Variants in IMMP2L observed in about 807,000 individuals in gnomAD.
The protein encoded by IMMP2L is mitochondrial inner membrane protease subunit 2.
Under a neutral mutation model 19.3 loss-of-function variants are expected in IMMP2L, and 18 were observed. The ratio of observed to expected loss-of-function variants is 0.93; its 90% confidence interval spans 0.64 to 1.38. The LOEUF is 1.38. Among genes scored for constraint, IMMP2L ranks in the 40% most tolerant of loss-of-function variants. The pLI, the probability that IMMP2L is intolerant of heterozygous loss-of-function variation, is 0.00. For missense variants in IMMP2L, 233 were observed against 218.2 expected, an observed-to-expected ratio of 1.07 and a Z score of -0.43; for synonymous variants, 76 against 73.0, an observed-to-expected ratio of 1.04 and a Z score of -0.21.
chr7:111,130,576 A>G (rs1199516666), intron 3 of IMMP2L, among the ~76,000 whole-genome samples: 2 of 152,140 alleles, frequency 1.3e-5, no homozygotes, highest in African/African-American at 4.8e-5. Context: ...AGACTCTGGA[A>G]CAAATAATGG....
chr7:110,680,420 T>C (rs1416335577), intron 5 of IMMP2L, among the ~76,000 whole-genome samples: 1 of 152,146 alleles, frequency 6.6e-6, no homozygotes, highest in African/African-American at 2.4e-5. Flanking sequence ...GAGCTATAAC[T>C]GCCGTTCTTA....
intron 3 of IMMP2L, among the ~76,000 whole-genome samples, chr7:111,253,810 G>GC (rs1055039746): frequency 3.9e-4 from 60 of 152,204 alleles, no homozygotes; most frequent in African/African-American, 1.4e-3. Flanking sequence ...AAAAAGCCAG[G>GC]CAAGTAATGA....
At chr7:110,715,505 G>A (rs1795178082) in intron 5 of IMMP2L, among the ~76,000 whole-genome samples, 1 of 152,070 alleles carries the variant, frequency 6.6e-6, no homozygotes. Context: ...TTTGATTTCT[G>A]CCTTAATTTC....
At position 111,237,171 on chromosome 7, in the gene IMMP2L, T is replaced by C. The variant is rs574226378; in HGVS notation, c.239+250067A>G. Among the ~76,000 whole-genome samples, 8 of 152,254 alleles carry C rather than the reference T, an allele frequency of 5.3e-5. No individual in the cohort carries two copies. The South Asian group carries it at 1.2e-3, about 24-fold the overall frequency. On this transcript the variant is annotated intron_variant, in intron 3 of 5. Transcript: ENST00000405709. ...ACACCCAGATATAATGTCTCACACA[T>C]AGAAGGCTCAAAATAAATACTAAAT...
At chr7:110,864,728 C>A (rs78679883) in intron 5 of IMMP2L, among the ~76,000 whole-genome samples, 2 of 152,040 alleles carry the variant, frequency 1.3e-5, no homozygotes, top group African/African-American at 4.8e-5. Context: ...ATGCTAGACA[C>A]GCTGCATGAA....
At chr7:111,117,913 G>T (rs1445531512) in intron 3 of IMMP2L, among the ~76,000 whole-genome samples, 1 of 152,050 alleles carries the variant, frequency 6.6e-6, no homozygotes, top group African/African-American at 2.4e-5. Flanking sequence ...GTGCAAAGAA[G>T]AAGGCACACT....
At chr7:111,004,815 A>G (rs1354009716) in intron 3 of IMMP2L, among the ~76,000 whole-genome samples, 1 of 152,140 alleles carries the variant, frequency 6.6e-6, no homozygotes, top group African/African-American at 2.4e-5. Context: ...TATTTATTTA[A>G]CTTTTAGAAA....
chr7:110,907,710 A>T (rs1812617477), intron 4 of IMMP2L, among the ~76,000 whole-genome samples: 1 of 152,220 alleles, frequency 6.6e-6, no homozygotes, highest in Non-Finnish European at 1.5e-5. Flanking sequence ...TCATATATAA[A>T]AAATACTTGG....
intron 3 of IMMP2L, among the ~76,000 whole-genome samples, chr7:111,185,963 A>G (rs1391389003): frequency 6.6e-6 from 1 of 152,086 alleles, no homozygotes; most frequent in Non-Finnish European, 1.5e-5. Flanking sequence ...TCAACACTAC[A>G]CTACTTTGAA....
intron 3 of IMMP2L, among the ~76,000 whole-genome samples, chr7:110,966,231 T>C (rs1212924783): frequency 6.6e-6 from 1 of 152,038 alleles, no homozygotes; most frequent in Non-Finnish European, 1.5e-5. Flanking sequence ...GCATCCATTT[T>C]TACTGGGAAC....
intron 4 of IMMP2L, among the ~76,000 whole-genome samples, chr7:110,938,715 T>C (rs1305326702): frequency 1.3e-5 from 2 of 152,066 alleles, no homozygotes; most frequent in African/African-American, 2.4e-5. Context: ...AAACTGCACT[T>C]TTACCCCCTA....
At chr7:111,142,282 C>T (rs1471595139) in intron 3 of IMMP2L, among the ~76,000 whole-genome samples, 6 of 147,560 alleles carry the variant, frequency 4.1e-5, no homozygotes, top group Non-Finnish European at 7.4e-5. Context: ...GCCAAGATCG[C>T]GCCACTGTGC....
At chr7:110,721,328 T>C (rs1031951069) in intron 5 of IMMP2L, among the ~76,000 whole-genome samples, 1 of 152,118 alleles carries the variant, frequency 6.6e-6, no homozygotes, top group African/African-American at 2.4e-5. Flanking sequence ...GGCCAGTATA[T>C]GGCAAATAGT....
At chr7:111,020,172 T>G (rs1382997734) in intron 3 of IMMP2L, among the ~76,000 whole-genome samples, 1 of 146,470 alleles carries the variant, frequency 6.8e-6, no homozygotes, top group Non-Finnish European at 1.5e-5. Context: ...TCATCTGAAG[T>G]CAGGAGTTCG....
intron 5 of IMMP2L, among the ~76,000 whole-genome samples, chr7:110,782,835 A>G (rs1270194164): frequency 1.3e-5 from 2 of 151,914 alleles, no homozygotes; most frequent in African/African-American, 4.8e-5. Context: ...CATAGAAATT[A>G]CTGTGTCCTT....
chr7:111,526,477 A>T (rs1426961228), intron 1 of IMMP2L, among the ~76,000 whole-genome samples: 1 of 152,156 alleles, frequency 6.6e-6, no homozygotes, highest in African/African-American at 2.4e-5. Flanking sequence ...GCTGGTTTCT[A>T]AAACAGAAAG....
chr7:111,246,089 G>T (rs1815626306), intron 3 of IMMP2L, among the ~76,000 whole-genome samples: 1 of 25,292 alleles, frequency 4.0e-5, no homozygotes, highest in Non-Finnish European at 5.7e-5. Flanking sequence ...GTTTCAGAAG[G>T]AATGGTACCA....
intron 3 of IMMP2L, among the ~76,000 whole-genome samples, chr7:111,387,459 C>G (rs1831873578): frequency 6.6e-6 from 1 of 152,104 alleles, no homozygotes; most frequent in South Asian, 2.1e-4. Context: ...CAAGGTTCAA[C>G]AAGAACTCGT....
chr7:111,123,360 G>C lies in IMMP2L; in HGVS notation c.240-159795C>G. On this transcript the variant is annotated intron_variant, in intron 3 of 5. Coordinates refer to ENST00000405709, the MANE Select transcript of IMMP2L (RefSeq NM_032549.4). This position sits in a 1 kb window ranked among gnomAD's most constrained non-coding sequence, Gnocchi z 6.4. The stretch of plus-strand genomic sequence containing the variant: ...CAAATCTAGAGATTCTGATGATTGG[G>C]GAAAATCCAATTATCAGAATCAAAG... 1.2e-6 allele frequency: 2 copies of C among 1,613,438 alleles called. No individual in the cohort carries two copies. Among genetic ancestry groups the C allele is most frequent in the Non-Finnish European group, 1.7e-6 (2 of 1,179,684 alleles).
Sources: allele counts gnomAD v4.1 joint callset (sites outside exome capture counted in the v4.1 genomes callset), GRCh38; gene constraint gnomAD v4.1.1; non-coding constraint Gnocchi (gnomAD v3.1); transcripts MANE v1.5; gene names NCBI Gene and HGNC (gene_info 2026-07-23, HGNC 2026-07-21).